Variants in CDH7 observed in about 807,000 individuals in gnomAD.
CDH7 encodes the protein cadherin-7.
CDH7 carries 25 observed loss-of-function variants against 71.8 expected under a neutral mutation model. The ratio of observed to expected loss-of-function variants is 0.35; its 90% CI spans 0.25 to 0.49. CDH7 has a LOEUF of 0.49. Among genes scored for constraint, CDH7 ranks in the 20% least tolerant of loss-of-function variants. CDH7 has a pLI of 0.99. For synonymous variants in CDH7, 381 were observed against 363.8 expected, an observed-to-expected ratio of 1.05 and a Z score of -0.54; for missense variants, 862 against 974.6, an observed-to-expected ratio of 0.88 and a Z score of 1.54.
At chr18:65,862,601 A>G in intron 10 of CDH7, 65 bp from the exon 11 acceptor site, 1 of 1,517,212 alleles carries the variant, frequency 6.6e-7, no homozygotes, top group South Asian at 1.2e-5. Flanking sequence ...AGTGACTTAA[A>G]TAAAGTTTGG....
intron 1 of CDH7, among the ~76,000 whole-genome samples, chr18:65,757,027 T>C (rs2143774063): frequency 6.7e-6 from 1 of 150,020 alleles, no homozygotes; most frequent in Non-Finnish European, 1.5e-5. Context: ...TAGTAATTGA[T>C]ATGCTAATGC....
Position 65,882,982 on chromosome 18 carries a change from A to G in CDH7, c.*2088A>G, listed in dbSNP as rs1043014657. The stretch of plus-strand genomic sequence containing the variant: ...TGATGTCAAAACTGCTGATTGTTGC[A>G]CATACCACTAAACGGAGGTGTGGAT... On this transcript the variant is annotated 3_prime_UTR_variant, in exon 12 of 12. Coordinates refer to ENST00000397968, the MANE Select transcript of CDH7 (RefSeq NM_004361.5). The G allele has an allele frequency of 6.6e-6, 1 of 152,148 alleles. No individual in the cohort carries two copies. Among genetic ancestry groups the G allele is most frequent in the Admixed American group, 6.5e-5 (1 of 15,270 alleles). 9.4% of individuals were successfully genotyped at this position (152,148 alleles called of 1,614,324 possible). A position where few individuals can be genotyped will look rare whatever the true frequency, so the allele number is the denominator to read the frequency against.
At chr18:65,815,397 A>G (rs1374528094) in intron 4 of CDH7, among the ~76,000 whole-genome samples, 12 of 152,170 alleles carry the variant, frequency 7.9e-5, no homozygotes, top group Admixed American at 7.2e-4. Flanking sequence ...TGCCTTTATC[A>G]TGGAGTTAGA....
At chr18:65,769,841 T>C (rs774912505) in intron 2 of CDH7, among the ~76,000 whole-genome samples, 4 of 152,196 alleles carry the variant, frequency 2.6e-5, no homozygotes, top group Non-Finnish European at 5.9e-5. Context: ...TTTTCCCTTC[T>C]CACTGTATCA....
At position 65,837,807 on chromosome 18, in the gene CDH7, T is replaced by C. The variant is rs149273499; in HGVS notation, c.982-6005T>C. On this transcript the variant is annotated intron_variant, in intron 6 of 11. Transcript: ENST00000397968. ...AGGGGATGTATTTTGCTTTGGAAAG[T>C]TCTTGGGGAGTCATTATATTTAAAT... 1.5e-3 allele frequency among the ~76,000 whole-genome samples: 226 copies of C among 152,316 alleles called. 1 individual carries two copies. Among genetic ancestry groups the C allele is most frequent in the Middle Eastern group, 3.4e-3 (1 of 292 alleles).
chr18:65,755,661 TC>T (rs1445677333), intron 1 of CDH7, among the ~76,000 whole-genome samples: 1 of 152,054 alleles, frequency 6.6e-6, no homozygotes, highest in Non-Finnish European at 1.5e-5. Context: ...GAATATATTT[TC>T]CCCCTTTGGC....
Position 65,884,012 on chromosome 18 carries a change from T to C in CDH7, c.*3118T>C, listed in dbSNP as rs1483345137. 2 of 152,098 alleles carry C rather than the reference T, an allele frequency of 1.3e-5. No individual in the cohort carries two copies. The highest frequency in any genetic ancestry group is 1.9e-4 in the East Asian group (1 of 5,186). The allele number at this position is 152,098 out of a possible 1,614,324, so 9.4% of individuals were successfully genotyped here. On this transcript the variant is annotated 3_prime_UTR_variant, in exon 12 of 12. Coordinates refer to ENST00000397968, the MANE Select transcript of CDH7 (RefSeq NM_004361.5). ...CCACTTGTCCATACAGGAGCATCAA[T>C]AGAAACTCAGGGTTTGCCAAATTAT...
At chr18:65,842,861 T>TC (rs1912786811) in intron 6 of CDH7, among the ~76,000 whole-genome samples, 1 of 150,676 alleles carries the variant, frequency 6.6e-6, no homozygotes, top group African/African-American at 2.4e-5. Flanking sequence ...GTTTTTTTTT[T>TC]CACTGTTTTT....
At chr18:65,751,002 C>G (rs998909724), upstream of CDH7, 1 of 152,204 alleles carries the variant, frequency 6.6e-6, no homozygotes, top group Non-Finnish European at 1.5e-5. Context: ...GGTGTCGAGC[C>G]GGTTCCTCCA....
chr18:65,849,124 C>T (rs184756082), intron 7 of CDH7, among the ~76,000 whole-genome samples: 1 of 152,032 alleles, frequency 6.6e-6, no homozygotes, highest in African/African-American at 2.4e-5. Context: ...TAAAAAGTAG[C>T]AGATATTATA....
intron 6 of CDH7, among the ~76,000 whole-genome samples, chr18:65,842,351 T>C (rs1013714169): frequency 1.3e-5 from 2 of 152,030 alleles, no homozygotes; most frequent in African/African-American, 4.8e-5. Flanking sequence ...CTGTCTGGTC[T>C]AGATATTGTA....
At chr18:65,794,760 G>T (rs1221752221) in intron 2 of CDH7, among the ~76,000 whole-genome samples, 3 of 152,060 alleles carry the variant, frequency 2.0e-5, no homozygotes, top group African/African-American at 7.2e-5. Context: ...CGGTGTGGGG[G>T]GTGAGAATAC....
intron 2 of CDH7, 145 bp downstream of exon 2, chr18:65,763,197 A>G: frequency 2.0e-6 from 1 of 488,154 alleles, no homozygotes; most frequent in Non-Finnish European, 3.4e-6. Context: ...GAGTTTATGA[A>G]GGTTTTTGGC....
chr18:65,805,684 G>A (rs1019341509), intron 2 of CDH7, among the ~76,000 whole-genome samples: 3 of 152,324 alleles, frequency 2.0e-5, no homozygotes, highest in South Asian at 2.1e-4. Context: ...CTGGACCATC[G>A]GGAAGCTCCG....
chr18:65,876,382 T>A (rs1914073088), intron 11 of CDH7, among the ~76,000 whole-genome samples: 1 of 152,158 alleles, frequency 6.6e-6, no homozygotes, highest in Admixed American at 6.5e-5. Flanking sequence ...GTAAGAATGA[T>A]TTTTATTTAT....
At chr18:65,816,780 G>C (rs568626331) in intron 4 of CDH7, among the ~76,000 whole-genome samples, 1 of 152,238 alleles carries the variant, frequency 6.6e-6, no homozygotes, top group South Asian at 2.1e-4. Flanking sequence ...ACTTTAACAA[G>C]CAAGGTAGCA....
chr18:65,859,128 A>G, intron 9 of CDH7, 82 bp downstream of exon 9: 1 of 1,312,838 alleles, frequency 7.6e-7, no homozygotes, highest in East Asian at 2.3e-5. Flanking sequence ...AAATTCTTCC[A>G]GCTTTAAGAT....
At chr18:65,767,089 C>CTTTT (rs35258266) in intron 2 of CDH7, among the ~76,000 whole-genome samples, 16 of 139,958 alleles carry the variant, frequency 1.1e-4, no homozygotes, top group South Asian at 2.3e-4. Flanking sequence ...ATCACTCTTT[C>CTTTT]TTTCTTTTTT....
chr18:65,823,870 T>G (rs2143941209), intron 5 of CDH7, among the ~76,000 whole-genome samples: 1 of 151,820 alleles, frequency 6.6e-6, no homozygotes, highest in South Asian at 2.1e-4. Flanking sequence ...AGAGAAAAAA[T>G]AATGAAGGAA....
Sources: allele counts gnomAD v4.1 joint callset (sites outside exome capture counted in the v4.1 genomes callset), GRCh38; gene constraint gnomAD v4.1.1; transcripts MANE v1.5; gene names NCBI Gene and HGNC (gene_info 2026-07-23, HGNC 2026-07-21).